The following ITSN2 variants were observed in gnomAD, a reference collection of about 807,000 sequenced individuals.
ITSN2 encodes the protein intersectin 2.
In ITSN2, 156 loss-of-function variants were observed where a neutral mutation model predicts 243.7. That is an observed-to-expected ratio of 0.64 (90% CI 0.56 to 0.73). The LOEUF (loss-of-function observed/expected upper bound fraction) is 0.73, where lower values mean the gene tolerates loss of function less well. Ranked by LOEUF, ITSN2 falls within the 30% of genes least tolerant of loss-of-function variation. The pLI is 0.00. For synonymous variants in ITSN2, 703 were observed against 699.9 expected, an observed-to-expected ratio of 1.00 and a Z score of -0.07; for missense variants, 1,801 against 1,996.1, an observed-to-expected ratio of 0.90 and a Z score of 1.86.
Position 24,221,083 on chromosome 2 carries a change from G to A in ITSN2, c.3578-17C>T. 6.3e-7 allele frequency: 1 copy of A among 1,598,114 alleles called. No individual in the cohort carries two copies. Among genetic ancestry groups the A allele is most frequent in the Non-Finnish European group, 8.5e-7 (1 of 1,175,300 alleles). ...CAGCACACCCTGTGGAAAAAACAGGGTAGTTTAAAATATTACTTTAGTCAA... is the reference window on the plus strand; with the variant it reads ...CAGCACACCCTGTGGAAAAAACAGGATAGTTTAAAATATTACTTTAGTCAA... On this transcript the variant is annotated splice_polypyrimidine_tract_variant and intron_variant, in intron 29 of 39. Transcript: ENST00000355123.
chr2:24,317,364 G>A (rs139412748), intron 2 of ITSN2, among the ~76,000 whole-genome samples: 68 of 148,942 alleles, frequency 4.6e-4, no homozygotes, highest in African/African-American at 1.4e-3. Context: ...AGCCTGCGCC[G>A]ACAAGGGCAA....
intron 23 of ITSN2, among the ~76,000 whole-genome samples, chr2:24,255,725 G>A (rs1574033429): frequency 6.6e-6 from 1 of 152,096 alleles, no homozygotes; most frequent in African/African-American, 2.4e-5. Context: ...TCAGGAGTTC[G>A]AGACCAGCCT....
chr2:24,302,425 C>T (rs1373385140), intron 9 of ITSN2, among the ~76,000 whole-genome samples: 1 of 152,070 alleles, frequency 6.6e-6, no homozygotes, highest in Admixed American at 6.6e-5. Flanking sequence ...GTCTCGATCT[C>T]CTGACCTCGT....
At chr2:24,278,993 T>C (rs1013360093) in intron 17 of ITSN2, among the ~76,000 whole-genome samples, 1 of 152,202 alleles carries the variant, frequency 6.6e-6, no homozygotes, top group Non-Finnish European at 1.5e-5. Flanking sequence ...TTATCTCTTT[T>C]ACGTTAAGGA....
rs1674454914 is a variant in ITSN2 at position 24,252,358 on chromosome 2, G to A, written c.3107C>T (p.Pro1036Leu). The change falls in exon 25 of 40, where the codon CCA (proline) becomes CTA (leucine). Residue 1036 changes from proline (P) to leucine (L), a missense_variant. Transcript: ENST00000355123. ...ATATCAAAATACCTCTTGATCCTTT[G>A]GTTTGACATAGTTTGATGGAAAAAT... ...SGIFPSNYVK[P>L]KDQESFGSAS... 4 of 1,609,524 alleles carry A rather than the reference G, an allele frequency of 2.5e-6. No individual in the cohort carries two copies. The highest frequency in any genetic ancestry group is 3.4e-6 in the Non-Finnish European group (4 of 1,176,674).
chr2:24,298,444 T>C (rs913861836), intron 13 of ITSN2, among the ~76,000 whole-genome samples: 5 of 151,886 alleles, frequency 3.3e-5, no homozygotes, highest in Middle Eastern at 3.2e-3. Context: ...TGAGCCACCA[T>C]GCCCAGCCCA....
intron 2 of ITSN2, among the ~76,000 whole-genome samples, chr2:24,316,879 G>A (rs2151774969): frequency 6.6e-6 from 1 of 152,332 alleles, no homozygotes; most frequent in Middle Eastern, 3.4e-3. Flanking sequence ...GCAAAAGGAA[G>A]TAGCCTTCAC....
intron 1 of ITSN2, among the ~76,000 whole-genome samples, chr2:24,345,263 CTA>C (rs753548526): frequency 5.3e-5 from 8 of 152,054 alleles, no homozygotes; most frequent in Admixed American, 1.3e-4. Context: ...CTTTTTTCCC[CTA>C]TGTTTTTATT....
intron 29 of ITSN2, among the ~76,000 whole-genome samples, chr2:24,234,390 A>C (rs1456644513): frequency 6.6e-6 from 1 of 152,182 alleles, no homozygotes; most frequent in Non-Finnish European, 1.5e-5. Context: ...CAAAACTATA[A>C]AGCTCCCAGA....
intron 8 of ITSN2, among the ~76,000 whole-genome samples, chr2:24,305,878 C>T (rs1682469126): frequency 6.6e-6 from 1 of 152,196 alleles, no homozygotes; most frequent in African/African-American, 2.4e-5. Context: ...ACAGTTGGCT[C>T]CCCATTCACT....
intron 8 of ITSN2, among the ~76,000 whole-genome samples, chr2:24,304,313 A>G (rs1208947304): frequency 6.6e-6 from 1 of 152,190 alleles, no homozygotes; most frequent in Non-Finnish European, 1.5e-5. Flanking sequence ...TACACAAGAG[A>G]TTACATCTGC....
At chr2:24,360,239 G>A (rs4442950) in intron 1 of ITSN2, 65 bp downstream of exon 1, 149,127 of 152,486 alleles carry the variant, frequency 0.98, 72,916 homozygotes, top group East Asian at 0.99. Flanking sequence ...GAGCCTCCGG[G>A]CAGCGGGCGC....
At position 24,252,369 on chromosome 2, in the gene ITSN2, G is replaced by A. The variant is rs1212788819; in HGVS notation, c.3096C>T (p.Asn1032=). 3 of 1,612,224 alleles carry A rather than the reference G, an allele frequency of 1.9e-6. No individual in the cohort carries two copies. Among genetic ancestry groups the A allele is most frequent in the Admixed American group, 3.3e-5 (2 of 59,998 alleles). ...IGDRSGIFPS[N]YVKPKDQESF... is the part of the protein sequence containing the mutation. The stretch of plus-strand genomic sequence containing the variant: ...CCTCTTGATCCTTTGGTTTGACATA[G>A]TTTGATGGAAAAATTCCACTTCTAT... The change falls in exon 25 of 40, where the codon AAC becomes AAT. Residue 1032 remains asparagine (N), a synonymous_variant. Coordinates refer to ENST00000355123, the MANE Select transcript of ITSN2 (RefSeq NM_006277.3).
chr2:24,284,694 T>C (rs1679237592), intron 17 of ITSN2, 69 bp downstream of exon 17: 1 of 875,956 alleles, frequency 1.1e-6, no homozygotes, highest in Non-Finnish European at 1.9e-6. Context: ...AGGCAAAGAA[T>C]AGTCTAGTTT....
At chr2:24,283,004 G>T (rs1340910584) in intron 17 of ITSN2, among the ~76,000 whole-genome samples, 9 of 132,934 alleles carry the variant, frequency 6.8e-5, no homozygotes, top group Middle Eastern at 4.1e-3. Flanking sequence ...TTTCCTTCAA[G>T]TCTTTCTTAA....
At chr2:24,291,216 G>A (rs1316270445) in intron 15 of ITSN2, among the ~76,000 whole-genome samples, 1 of 151,942 alleles carries the variant, frequency 6.6e-6, no homozygotes, top group Non-Finnish European at 1.5e-5. Context: ...TGCAACCTCT[G>A]CCTCCCACGT....
rs762822878 is a variant in ITSN2 at position 24,261,768 on chromosome 2, C to T, written c.2356-26G>A. The T allele has an allele frequency of 2.9e-5, 45 of 1,550,532 alleles. 1 individual carries two copies. In the South Asian group the frequency reaches 4.9e-4, roughly 17 times the overall value. ...CTACGGAAATAAAAAGAAGGATTAA[C>T]AGTGCTTAGAAATTCACACATTTAC... On this transcript the variant is annotated intron_variant, in intron 20 of 39. Transcript: ENST00000355123.
At chr2:24,332,306 T>A (rs193227521) in intron 1 of ITSN2, among the ~76,000 whole-genome samples, 2 of 152,130 alleles carry the variant, frequency 1.3e-5, no homozygotes, top group East Asian at 3.9e-4. Flanking sequence ...TGAAATACCA[T>A]GATTGTTTAC....
chr2:24,293,759 AG>A lies in ITSN2; in HGVS notation c.1651del (p.Ile552SerfsTer10). 1 of 1,080,018 alleles carries A rather than the reference AG, an allele frequency of 9.3e-7. No individual in the cohort carries two copies. The highest frequency in any genetic ancestry group is 1.4e-6 in the Non-Finnish European group (1 of 739,164). 66.9% of individuals were successfully genotyped at this position (1,080,018 alleles called of 1,614,324 possible). ...TTGCTTCTCAGGTACCAGATAGATA[AG>A]CTTATTCTGATATTCCTTATAAAAA... The part of the protein sequence containing the change: ...QQELQEYQNK[L>X]IYLVPEKQLL... On this transcript the variant is annotated frameshift_variant, in exon 15 of 40. Transcript: ENST00000355123. LOFTEE classifies it high-confidence loss of function.
Sources: gnomAD v4.1 joint callset for allele counts (sites outside exome capture counted in the v4.1 genomes callset) on GRCh38, gnomAD v4.1.1 for gene constraint, MANE v1.5 for transcripts, NCBI Gene and HGNC (gene_info 2026-07-23, HGNC 2026-07-21) for gene names.